Variants in SPATA13 observed in about 807,000 individuals in gnomAD.
The protein encoded by SPATA13 is spermatogenesis associated 13.
In SPATA13, 50 loss-of-function variants were observed where a neutral mutation model predicts 104.0. The observed-to-expected ratio is 0.48, with a 90% confidence interval of 0.38 to 0.61. The LOEUF is 0.61. SPATA13 is among the 20% of genes least tolerant of loss of function. The pLI is 0.00. For synonymous variants in SPATA13, 606 were observed against 667.5 expected (o/e 0.91, Z 1.42); for missense variants, 1,524 against 1,690.6 (o/e 0.90, Z 1.73).
At chr13:24,261,410 A>C (rs2138679793) in intron 4 of SPATA13, among the ~76,000 whole-genome samples, 1 of 152,286 alleles carries the variant, frequency 6.6e-6, no homozygotes, top group South Asian at 2.1e-4. Flanking sequence ...TGAAGATGAC[A>C]TCACCATATC....
At chr13:24,127,046 A>G (rs1566113553) in intron 3 of SPATA13, among the ~76,000 whole-genome samples, 1 of 152,180 alleles carries the variant, frequency 6.6e-6, no homozygotes, top group Non-Finnish European at 1.5e-5. Context: ...AGGTTTGTAT[A>G]ATGAAGTTAG....
At chr13:24,299,402 C>T (rs1311857432) in intron 11 of SPATA13, among the ~76,000 whole-genome samples, 4 of 152,200 alleles carry the variant, frequency 2.6e-5, no homozygotes. Flanking sequence ...TGGATGCATT[C>T]CTTGCCTCGA....
At chr13:24,013,195 G>A (rs184135492) in intron 2 of SPATA13, among the ~76,000 whole-genome samples, 181 of 152,236 alleles carry the variant, frequency 1.2e-3, no homozygotes, top group Middle Eastern at 3.4e-3. Flanking sequence ...GTCTCCCCAC[G>A]CGTGCTGCAC....
At chr13:24,021,790 C>T (rs920853268) in intron 3 of SPATA13, among the ~76,000 whole-genome samples, 1 of 151,866 alleles carries the variant, frequency 6.6e-6, no homozygotes, top group Non-Finnish European at 1.5e-5. Context: ...TGGCTCACTG[C>T]AAGCTCCACC....
intron 3 of SPATA13, among the ~76,000 whole-genome samples, chr13:24,121,396 A>G (rs1164723542): frequency 6.6e-6 from 1 of 152,182 alleles, no homozygotes; most frequent in Non-Finnish European, 1.5e-5. Context: ...CTTTTTATAA[A>G]CAGCAAACAT....
intron 1 of SPATA13, among the ~76,000 whole-genome samples, chr13:24,215,899 T>G (rs1277490090): frequency 6.6e-6 from 1 of 152,164 alleles, no homozygotes; most frequent in African/African-American, 2.4e-5. Flanking sequence ...TGCAGTCTTG[T>G]GGTGACATCA....
At position 24,124,856 on chromosome 13, in the gene SPATA13, G is replaced by A. The variant is rs76616048; in HGVS notation, c.-111-97963G>A. Among the ~76,000 whole-genome samples the A allele has an allele frequency of 4.6e-3, 705 of 152,204 alleles. 3 individuals carry two copies. Among genetic ancestry groups the A allele is most frequent in the African/African-American group, 0.016 (658 of 41,530 alleles). Reference sequence around the variant, plus strand: ...TTTGCAGTGGGATCAGATGTTACTAGCATATTGTCAGATTTTTTGTCTTAT... The same window carrying A: ...TTTGCAGTGGGATCAGATGTTACTAACATATTGTCAGATTTTTTGTCTTAT... On this transcript the variant is annotated intron_variant, in intron 3 of 14. Transcript: ENST00000424834.
chr13:24,166,124 G>T (rs932034394), intron 1 of SPATA13, among the ~76,000 whole-genome samples: 6 of 152,170 alleles, frequency 3.9e-5, no homozygotes, highest in African/African-American at 9.7e-5. Context: ...GTGTAATACC[G>T]ATGATACTTC....
chr13:24,296,571 C>G (rs1342575933), intron 10 of SPATA13, among the ~76,000 whole-genome samples: 1 of 152,160 alleles, frequency 6.6e-6, no homozygotes, highest in African/African-American at 2.4e-5. Context: ...AGGGAGCTGC[C>G]ATATACTCAA....
At chr13:23,989,351 G>C (rs1875298426) in intron 2 of SPATA13, among the ~76,000 whole-genome samples, 1 of 151,942 alleles carries the variant, frequency 6.6e-6, no homozygotes, top group South Asian at 2.1e-4. Flanking sequence ...CAACCTGGGA[G>C]GTAGAGGTTG....
In SPATA13 at chr13:24,088,201, G is replaced by T. The variant is rs1879796169; in HGVS notation, c.-112+70500G>T. ...GTCCTGGCAGACAGGGAACTGGCGTGTTAATGCTCCCTAGGCAGCACTGGA... is the reference window on the plus strand; with the variant it reads ...GTCCTGGCAGACAGGGAACTGGCGTTTTAATGCTCCCTAGGCAGCACTGGA... On this transcript the variant is annotated intron_variant, in intron 3 of 14. Transcript: ENST00000424834. This position sits in a 1 kb window ranked among gnomAD's most constrained non-coding sequence, Gnocchi z 4.3. Among the ~76,000 whole-genome samples the T allele has an allele frequency of 6.6e-6, 1 of 152,214 alleles. No individual in the cohort carries two copies.
At chr13:24,282,641 G>A (rs1875629460) in intron 4 of SPATA13, among the ~76,000 whole-genome samples, 1 of 152,050 alleles carries the variant, frequency 6.6e-6, no homozygotes, top group Non-Finnish European at 1.5e-5. Flanking sequence ...GGCTTCCCTG[G>A]CCCCAGGCTC....
chr13:24,046,726 A>G (rs1489515098), intron 3 of SPATA13, among the ~76,000 whole-genome samples: 1 of 151,974 alleles, frequency 6.6e-6, no homozygotes, highest in Admixed American at 6.6e-5. Flanking sequence ...GACTTTATGA[A>G]TAAAGCTTAT....
intron 3 of SPATA13, among the ~76,000 whole-genome samples, chr13:24,141,487 C>A (rs59585523): frequency 0.084 from 12,783 of 152,208 alleles, 1,213 homozygotes; most frequent in East Asian, 0.54. Flanking sequence ...CTCCTCAAAG[C>A]CTTCCTTGAC....
At chr13:24,253,930 T>C (rs1873645614) in intron 4 of SPATA13, among the ~76,000 whole-genome samples, 1 of 151,934 alleles carries the variant, frequency 6.6e-6, no homozygotes, top group African/African-American at 2.4e-5. Flanking sequence ...GCTCTGCAGG[T>C]CATGAGGAGG....
intron 9 of SPATA13, among the ~76,000 whole-genome samples, chr13:24,291,476 T>C (rs1287856121): frequency 1.3e-5 from 2 of 152,186 alleles, no homozygotes; most frequent in African/African-American, 2.4e-5. Context: ...CAAACCCATA[T>C]GGGGCAGCTG....
intron 3 of SPATA13, among the ~76,000 whole-genome samples, chr13:24,101,254 T>G (rs1031800693): frequency 2.0e-5 from 3 of 152,208 alleles, no homozygotes; most frequent in Non-Finnish European, 4.4e-5. Context: ...TTCAAAACTT[T>G]TCTTAAAGTC....
At chr13:24,140,068 C>CA (rs542732994) in intron 3 of SPATA13, among the ~76,000 whole-genome samples, 3,071 of 85,520 alleles carry the variant, frequency 0.036, 124 homozygotes, top group African/African-American at 0.098. Flanking sequence ...GACTCCGTCT[C>CA]AAAAAAAAAA....
At chr13:24,049,966 C>T (rs1460897352) in intron 3 of SPATA13, among the ~76,000 whole-genome samples, 1 of 152,100 alleles carries the variant, frequency 6.6e-6, no homozygotes, top group Non-Finnish European at 1.5e-5. Context: ...TCTGCCTCCC[C>T]GGTTCAAGCA....
Sources: allele counts gnomAD v4.1 joint callset (sites outside exome capture counted in the v4.1 genomes callset), GRCh38; gene constraint gnomAD v4.1.1; non-coding constraint Gnocchi (gnomAD v3.1); transcripts MANE v1.5; gene names NCBI Gene and HGNC (gene_info 2026-07-23, HGNC 2026-07-21).